USF3: variants seen among roughly 807,000 people sequenced by gnomAD.
USF3 encodes upstream transcription factor family member 3.
USF3 carries 29 observed loss-of-function variants against 157.5 expected under a neutral mutation model. That is an observed-to-expected ratio of 0.18 (90% CI 0.14 to 0.25). The LOEUF (loss-of-function observed/expected upper bound fraction) is 0.25, where lower values mean the gene tolerates loss of function less well. Among genes scored for constraint, USF3 ranks in the 10% least tolerant of loss-of-function variants. The pLI, the probability that USF3 is intolerant of heterozygous loss-of-function variation, is 1.00. For missense variants in USF3, 2,381 were observed against 2,667.6 expected (o/e 0.89, Z 2.37); for synonymous variants, 893 against 941.4 (o/e 0.95, Z 0.94).
At chr3:113,682,099 G>A (rs1482017323) in intron 1 of USF3, among the ~76,000 whole-genome samples, 2 of 152,196 alleles carry the variant, frequency 1.3e-5, no homozygotes, top group African/African-American at 4.8e-5. Flanking sequence ...AGAAGTGGGA[G>A]GACTGCTGGA....
intron 1 of USF3, among the ~76,000 whole-genome samples, chr3:113,684,761 T>C (rs904901081): frequency 1.3e-5 from 2 of 152,190 alleles, no homozygotes; most frequent in African/African-American, 4.8e-5. Flanking sequence ...CTGTGTTATC[T>C]TGGATTTTGT....
In USF3 at chr3:113,679,323, C is replaced by T. The variant is rs78277280; in HGVS notation, c.-134-1926G>A. Among the ~76,000 whole-genome samples the T allele has an allele frequency of 3.9e-3, 595 of 151,782 alleles. 4 individuals are homozygous for T. The highest frequency in any genetic ancestry group is 0.014 in the African/African-American group (562 of 41,396). On this transcript the variant is annotated intron_variant, in intron 1 of 6. Coordinates refer to ENST00000316407, the MANE Select transcript of USF3 (RefSeq NM_001009899.4). ...CATATAATAAATTGCATAAATCTTA[C>T]GTATAATATTCAATGGGTTTTGACG...
rs1553700996 is a variant in USF3 at position 113,679,009 on chromosome 3, G to GTGTC, written c.-134-1613_-134-1612insGACA. On this transcript the variant is annotated intron_variant, in intron 1 of 6. Transcript: ENST00000316407. ...ATCTCACTATGCTGTCCAGGCTGGT[G>GTGTC]TCTCTCTCTCTCTCTCTCTCTCTCT... Among the ~76,000 whole-genome samples, 27 of 144,142 alleles carry GTGTC rather than the reference G, an allele frequency of 1.9e-4. 1 individual carries two copies. Among genetic ancestry groups the GTGTC allele is most frequent in the Admixed American group, 1.7e-3 (24 of 14,432 alleles). The allele number at this position is 144,142 out of a possible 152,430, so 94.6% of individuals were successfully genotyped here. A position where few individuals can be genotyped will look rare whatever the true frequency, so the allele number is the denominator to read the frequency against.
In USF3 at chr3:113,655,714, T is replaced by C; in HGVS notation, c.5968A>G (p.Ile1990Val). 1.2e-6 allele frequency: 2 copies of C among 1,613,838 alleles called. No homozygotes were observed. Among genetic ancestry groups the C allele is most frequent in the South Asian group, 1.1e-5 (1 of 91,012 alleles). Reference sequence around the variant, plus strand: ...GAACGATTCCTTTCAGGCTGACGAATTTTGGAACCACTGCTGTCTTGCAGG... The same window carrying C: ...GAACGATTCCTTTCAGGCTGACGAACTTTGGAACCACTGCTGTCTTGCAGG... The part of the protein sequence containing the change: ...HPLQDSSGSK[I>V]RQPERNRSGN... The change falls in exon 7 of 7, where the codon ATT becomes GTT. Residue 1990 changes from isoleucine (I) to valine (V), a missense_variant. By Grantham distance (29) the Ile-to-Val change is conservative. Coordinates refer to ENST00000316407, the MANE Select transcript of USF3 (RefSeq NM_001009899.4).
At chr3:113,694,197 T>C (rs752276202) in intron 1 of USF3, among the ~76,000 whole-genome samples, 3 of 152,236 alleles carry the variant, frequency 2.0e-5, no homozygotes, top group Admixed American at 6.5e-5. Flanking sequence ...TGATTAAGGC[T>C]CAAGCTTGAT....
Position 113,650,074 on chromosome 3 carries a change from T to G in USF3, c.*4870A>C, listed in dbSNP as rs888051261. 7 of 563,018 alleles carry G rather than the reference T, an allele frequency of 1.2e-5. No homozygotes were observed. The highest frequency in any genetic ancestry group is 8.4e-4 in the Middle Eastern group (2 of 2,376). The allele number at this position is 563,018 out of a possible 1,614,324, so 34.9% of individuals were successfully genotyped here. A position where few individuals can be genotyped will look rare whatever the true frequency, so the allele number is the denominator to read the frequency against. On this transcript the variant is annotated 3_prime_UTR_variant, in exon 7 of 7. Transcript: ENST00000316407. ...TTGGCTATTACTGTTGCCCTCTGGA[T>G]GTACACAGCCACAGGCGCACTACCT... is the stretch of plus-strand genomic sequence containing the variant.
rs1947418151 is a variant in USF3 at position 113,658,752 on chromosome 3, T to A, written c.2930A>T (p.Glu977Val). 6.2e-7 allele frequency: 1 copy of A among 1,614,064 alleles called. No individual in the cohort carries two copies. The highest frequency in any genetic ancestry group is 8.5e-7 in the Non-Finnish European group (1 of 1,180,048). The change falls in exon 7 of 7, where the codon GAA becomes GTA. Residue 977 changes from glutamate (E) to valine (V), a missense_variant. Coordinates refer to ENST00000316407, the MANE Select transcript of USF3 (RefSeq NM_001009899.4). ...AACTCTGCAAGGTTCAGCAATGATTTCTACCTCAGAAACACAGTCAGTACT... is the reference window on the plus strand; with the variant it reads ...AACTCTGCAAGGTTCAGCAATGATTACTACCTCAGAAACACAGTCAGTACT... ...TTSTDCVSEV[E>V]IIAEPCRVEQ...
rs1707240532 is a variant in USF3, at chr3:113,674,846, T to C, written c.33A>G (p.Thr11=). The change falls in exon 3 of 7, where the codon ACA becomes ACG. Residue 11 remains threonine, a synonymous_variant. Coordinates refer to ENST00000316407, the MANE Select transcript of USF3 (RefSeq NM_001009899.4). The part of the protein sequence containing the change: MPEMTENETP[T]KKQHRKKNRE... The stretch of plus-strand genomic sequence containing the variant: ...TGGATACATACCTGTGCTGCTTTTT[T>C]GTAGGCGTCTCATTCTCTGTCATTT... 1 of 1,613,800 alleles carries C rather than the reference T, an allele frequency of 6.2e-7. No homozygotes were observed. Among genetic ancestry groups the C allele is most frequent in the Non-Finnish European group, 8.5e-7 (1 of 1,179,674 alleles).
rs1947208479 is a variant in USF3, at chr3:113,648,752, T to G, written c.*6192A>C. On this transcript the variant is annotated 3_prime_UTR_variant, in exon 7 of 7. Transcript: ENST00000316407. ...GTAATAGATACAAATATTACACTAT[T>G]GAAAGCACTAAAATTAGTTTTTTTT... 6.6e-6 allele frequency: 1 copy of G among 152,612 alleles called. No homozygotes were observed. Among genetic ancestry groups the G allele is most frequent in the East Asian group, 1.9e-4 (1 of 5,206 alleles). The allele number at this position is 152,612 out of a possible 1,614,324, so 9.5% of individuals were successfully genotyped here.
chr3:113,656,074 C>G lies in USF3; in HGVS notation c.5608G>C (p.Glu1870Gln), dbSNP rs201047899. The change falls in exon 7 of 7, where the codon GAG becomes CAG. Residue 1870 changes from glutamate to glutamine, a missense_variant. Glu to Gln is a conservative substitution (Grantham distance 29). Transcript: ENST00000316407. ...CTTTCCCTATTCTGACTCTCACTCT[C>G]TCTTCTAATATGGACATTTTCATGA... ...PTHENVHIRRESESQNRESCD... is the reference protein window; with the variant it reads ...PTHENVHIRRQSESQNRESCD... 1.1e-5 allele frequency: 17 copies of G among 1,614,194 alleles called. No individual in the cohort carries two copies. In the Admixed American group the frequency reaches 2.3e-4, roughly 22 times the overall value.
chr3:113,688,948 A>AGGCCGGAGAATGGTG, intron 1 of USF3, among the ~76,000 whole-genome samples: 1 of 151,858 alleles, frequency 6.6e-6, no homozygotes, highest in East Asian at 1.9e-4. Context: ...GGAGAATGGT[A>AGGCCGGAGAATGGTG]TGAACCTGGG....
At chr3:113,688,798 T>C (rs544761736) in intron 1 of USF3, among the ~76,000 whole-genome samples, 10 of 152,182 alleles carry the variant, frequency 6.6e-5, no homozygotes, top group Admixed American at 1.3e-4. Context: ...CCCAGCACTT[T>C]GGGAGGCTGA....
In USF3 at chr3:113,688,538, T is replaced by C. The variant is rs143284080; in HGVS notation, c.-135+7832A>G. Among the ~76,000 whole-genome samples the C allele has an allele frequency of 9.2e-5, 14 of 152,342 alleles. No individual in the cohort carries two copies. In the East Asian group the frequency reaches 2.7e-3, roughly 29 times the overall value. ...ATTACCAGAATTCGTTTCCAGAGAT[T>C]GGTTCAGTATATAGGATGTAGTGTT... On this transcript the variant is annotated intron_variant, in intron 1 of 6. Transcript: ENST00000316407.
At chr3:113,679,659 CCATCTTGGCCTCCCAAA>C (rs1707366237) in intron 1 of USF3, among the ~76,000 whole-genome samples, 1 of 152,114 alleles carries the variant, frequency 6.6e-6, no homozygotes. Context: ...AGCGACCCAC[CCATCTTGGCCTCCCAAA>C]GTGCTGGGAT....
chr3:113,658,568 T>C lies in USF3; in HGVS notation c.3114A>G (p.Ile1038Met), dbSNP rs781704655. The change falls in exon 7 of 7, where the codon ATA (isoleucine) becomes ATG (methionine). Residue 1038 changes from isoleucine (I) to methionine (M), a missense_variant. This residue lies in a region of USF3 where 1,435 missense variants were observed against 1,550.9 expected (regional missense o/e 0.93). Transcript: ENST00000316407. ...HPDFSSENPK[I>M]VDSSVNLHPK... ...GATGTAAATTCACACTTGAATCAACTATTTTAGGATTTTCTGAAGAAAAGT... is the reference window on the plus strand; with the variant it reads ...GATGTAAATTCACACTTGAATCAACCATTTTAGGATTTTCTGAAGAAAAGT... 5 of 1,613,894 alleles carry C rather than the reference T, an allele frequency of 3.1e-6. No individual in the cohort carries two copies. In the African/African-American group the frequency reaches 4.0e-5, roughly 13 times the overall value.
In USF3 at chr3:113,660,901, T is replaced by C. The variant is rs184661566; in HGVS notation, c.781A>G (p.Ile261Val). ...ATSGSLIAVS[I>V]ESEPHQHHSL... ...TGATGTTGGTGAGGCTCAGATTCAATTGAAACAGCAATCAGTGAGCCACTA... is the reference window on the plus strand; with the variant it reads ...TGATGTTGGTGAGGCTCAGATTCAACTGAAACAGCAATCAGTGAGCCACTA... Residue 261 changes from isoleucine (I) to valine (V), a missense_variant, in exon 7 of 7, where the codon ATT (isoleucine) becomes GTT (valine). By Grantham distance (29) the Ile-to-Val change is conservative. Around this residue, in one of 6 missense-constraint regions of USF3, gnomAD observed 1,435 missense variants for 1,550.9 expected, o/e 0.93. Transcript: ENST00000316407. 1.1e-4 allele frequency: 172 copies of C among 1,614,186 alleles called. No homozygotes were observed. The African/African-American group carries it at 1.6e-3, about 15-fold the overall frequency.
At position 113,657,343 on chromosome 3, in the gene USF3, C is replaced by T. The variant is rs1559706515; in HGVS notation, c.4339G>A (p.Ala1447Thr). Residue 1447 changes from alanine (A) to threonine (T), a missense_variant, in exon 7 of 7, where the codon GCT (alanine) becomes ACT (threonine). Physicochemically the swap from Ala to Thr is moderately conservative, Grantham distance 58. This residue lies in a region of USF3 where 1,435 missense variants were observed against 1,550.9 expected (regional missense o/e 0.93). Coordinates refer to ENST00000316407, the MANE Select transcript of USF3 (RefSeq NM_001009899.4). ...CTATGAAGGTGAGATACACCTTGAG[C>T]TGGAACATGCTGCTGCAGGGCCTGT... ...HLQALQQHVPAQGVSHLHSNH... is the reference protein window; with the variant it reads ...HLQALQQHVPTQGVSHLHSNH... 6.2e-7 allele frequency: 1 copy of T among 1,613,764 alleles called. No individual in the cohort carries two copies.
chr3:113,660,779 T>G lies in USF3; in HGVS notation c.903A>C (p.Thr301=), dbSNP rs765140523. ...TTGCTGAGGAGCTGTGGGGGATGTT[T>G]GTAACACAAGGGGTCATTTTCTTCA... The part of the protein sequence containing the change: ...KVLKKMTPCV[T]NIPHSSSATA... Residue 301 remains threonine (T), a synonymous_variant, in exon 7 of 7, where the codon ACA becomes ACC. Transcript: ENST00000316407. 2 of 1,614,220 alleles carry G rather than the reference T, an allele frequency of 1.2e-6. No individual in the cohort carries two copies. Among genetic ancestry groups the G allele is most frequent in the Non-Finnish European group, 1.7e-6 (2 of 1,180,052 alleles).
chr3:113,652,247 T>A lies in USF3; in HGVS notation c.*2697A>T, dbSNP rs1947277245. ...CATGGAAAACTGTCCTTCTTGAAAT[T>A]GGCACACTGGACCTTTCAAGTACAA... On this transcript the variant is annotated 3_prime_UTR_variant, in exon 7 of 7. Transcript: ENST00000316407. 1 of 152,076 alleles carries A rather than the reference T, an allele frequency of 6.6e-6. No homozygotes were observed. Among genetic ancestry groups the A allele is most frequent in the African/African-American group, 2.4e-5 (1 of 41,404 alleles). 9.4% of individuals were successfully genotyped at this position (152,076 alleles called of 1,614,324 possible).
Sources: allele counts gnomAD v4.1 joint callset (sites outside exome capture counted in the v4.1 genomes callset), GRCh38; gene constraint gnomAD v4.1.1; regional missense constraint gnomAD v4.1.1; transcripts MANE v1.5; gene names NCBI Gene and HGNC (gene_info 2026-07-23, HGNC 2026-07-21).